GPHN: variants seen among roughly 807,000 people sequenced by gnomAD.
GPHN encodes gephyrin.
A neutral mutation model predicts 95.5 loss-of-function variants in GPHN; 17 were observed. The ratio of observed to expected loss-of-function variants is 0.18; its 90% CI spans 0.12 to 0.27. The LOEUF (loss-of-function observed/expected upper bound fraction) is 0.27. Among genes scored for constraint, GPHN ranks in the 10% least tolerant of loss-of-function variants. The pLI is 1.00. For synonymous variants in GPHN, 320 were observed against 322.5 expected, an observed-to-expected ratio of 0.99 and a Z score of 0.08; for missense variants, 660 against 978.1, an observed-to-expected ratio of 0.67 and a Z score of 4.34.
chr14:67,513,569 A>G, the GPHN span, among the ~76,000 whole-genome samples: 2 of 152,178 alleles, frequency 1.3e-5, no homozygotes, highest in Non-Finnish European at 2.9e-5. Flanking sequence ...CTCCAAACAC[A>G]AAGCCCCTGA....
chr14:67,704,343 A>G, the GPHN span, among the ~76,000 whole-genome samples: 1 of 152,202 alleles, frequency 6.6e-6, no homozygotes, highest in Non-Finnish European at 1.5e-5. Context: ...TCTTGAATTG[A>G]GGCATTTTTA....
chr14:67,225,490 G>C, the GPHN span, among the ~76,000 whole-genome samples: 1 of 152,208 alleles, frequency 6.6e-6, no homozygotes, highest in African/African-American at 2.4e-5. Flanking sequence ...GGCTTCAGGT[G>C]AGGCACTGGA....
At chr14:66,965,453 G>A in intron 9 of GPHN, 128 bp downstream of exon 9, 1 of 876,240 alleles carries the variant, frequency 1.1e-6, no homozygotes, top group Admixed American at 1.8e-5. Flanking sequence ...TGAATAAAGT[G>A]TAAGATAGTT....
intron 8 of GPHN, among the ~76,000 whole-genome samples, chr14:66,951,149 T>A (rs1463011742): frequency 6.6e-6 from 1 of 151,984 alleles, no homozygotes; most frequent in South Asian, 2.1e-4. Flanking sequence ...TGGTCTCGAA[T>A]TCCTGACCTC....
the GPHN span, among the ~76,000 whole-genome samples, chr14:67,540,250 T>TA: frequency 6.6e-6 from 1 of 152,228 alleles, no homozygotes; most frequent in Non-Finnish European, 1.5e-5. Context: ...ACTTACCTCT[T>TA]ACCTTGAAGT....
chr14:67,456,057 A>T, the GPHN span, among the ~76,000 whole-genome samples: 1 of 152,264 alleles, frequency 6.6e-6, no homozygotes, highest in African/African-American at 2.4e-5. Flanking sequence ...AAATATTTGC[A>T]AACTATGCAT....
chr14:66,697,077 C>T (rs906009371), intron 2 of GPHN, among the ~76,000 whole-genome samples: 2 of 152,186 alleles, frequency 1.3e-5, no homozygotes, highest in African/African-American at 4.8e-5. Context: ...CATTTGAATA[C>T]ATGTGTAAAT....
chr14:66,551,861 G>A (rs1359503370), intron 1 of GPHN, among the ~76,000 whole-genome samples: 2 of 152,034 alleles, frequency 1.3e-5, no homozygotes, highest in Admixed American at 1.3e-4. Flanking sequence ...CAGCAAGGGG[G>A]AATCCATCTC....
chr14:66,832,250 A>G (rs938174509), intron 4 of GPHN, among the ~76,000 whole-genome samples: 1 of 152,220 alleles, frequency 6.6e-6, no homozygotes, highest in Non-Finnish European at 1.5e-5. Context: ...TGACTTGCCC[A>G]AGACTTTTCA....
the GPHN span, among the ~76,000 whole-genome samples, chr14:67,237,494 T>C: frequency 2.6e-5 from 4 of 152,134 alleles, no homozygotes; most frequent in African/African-American, 9.7e-5. Context: ...AACTTTTTTT[T>C]TTTAATTTTT....
the GPHN span, among the ~76,000 whole-genome samples, chr14:67,642,803 T>TC: frequency 2.4e-5 from 3 of 125,946 alleles, no homozygotes; most frequent in East Asian, 2.3e-4. Context: ...CTTTTTTTTT[T>TC]TTTTTTTTTT....
chr14:67,073,559 A>G (rs1478000546), intron 11 of GPHN, among the ~76,000 whole-genome samples: 1 of 152,204 alleles, frequency 6.6e-6, no homozygotes, highest in Non-Finnish European at 1.5e-5. Context: ...ATACATAGAA[A>G]TGAATATATG....
At chr14:67,710,528 T>C in the GPHN span, among the ~76,000 whole-genome samples, 2 of 152,190 alleles carry the variant, frequency 1.3e-5, 1 homozygote, top group South Asian at 4.1e-4. Context: ...CATTTTACTC[T>C]AGGACTAAAT....
At chr14:66,760,649 G>A (rs534349278) in intron 2 of GPHN, 34 of 412,786 alleles carry the variant, frequency 8.2e-5, no homozygotes, top group Middle Eastern at 6.5e-4. Flanking sequence ...TTATAAAAAC[G>A]TTAAAAAGAA....
chr14:66,549,144 A>G (rs1014198837), intron 1 of GPHN, among the ~76,000 whole-genome samples: 1 of 152,228 alleles, frequency 6.6e-6, no homozygotes, highest in Non-Finnish European at 1.5e-5. Context: ...TTTTTACATT[A>G]GAATGTGTCT....
intron 11 of GPHN, among the ~76,000 whole-genome samples, chr14:67,087,155 C>T (rs2076939469): frequency 6.6e-6 from 1 of 151,456 alleles, no homozygotes; most frequent in African/African-American, 2.4e-5. Flanking sequence ...TGTTAATAAA[C>T]ATTTACTGTA....
the GPHN span, chr14:67,323,677 T>G: frequency 9.0e-7 from 1 of 1,105,262 alleles, no homozygotes; most frequent in Non-Finnish European, 1.3e-6. Flanking sequence ...CAAATTATTT[T>G]AAAAATCAAA....
chr14:67,479,461 T>TA, the GPHN span, among the ~76,000 whole-genome samples: 1 of 149,372 alleles, frequency 6.7e-6, no homozygotes, highest in Non-Finnish European at 1.5e-5. Flanking sequence ...CTCATGCCTG[T>TA]AATCCCAGTA....
chr14:67,323,381 A>G, the GPHN span, among the ~76,000 whole-genome samples: 1 of 151,550 alleles, frequency 6.6e-6, no homozygotes, highest in Admixed American at 6.6e-5. Context: ...GGGAGAGACC[A>G]AGGCAGGAGC....
Sources: gnomAD v4.1 joint callset for allele counts (sites outside exome capture counted in the v4.1 genomes callset) on GRCh38, gnomAD v4.1.1 for gene constraint, MANE v1.5 for transcripts, NCBI Gene and HGNC (gene_info 2026-07-23, HGNC 2026-07-21) for gene names.